Variants in ASH1L observed in about 807,000 individuals in gnomAD.
The protein encoded by ASH1L is histone-lysine N-methyltransferase ASH1L.
Under a neutral mutation model 269.0 loss-of-function variants are expected in ASH1L, and 23 were observed. That is an observed-to-expected ratio of 0.09 (90% CI 0.06 to 0.12). ASH1L has a LOEUF of 0.12. ASH1L is among the 10% of genes least tolerant of loss of function. The pLI, the probability that ASH1L is intolerant of heterozygous loss-of-function variation, is 1.00. For missense variants in ASH1L, 2,912 were observed against 3,567.8 expected (o/e 0.82, Z 4.68); for synonymous variants, 1,187 against 1,253.5 (o/e 0.95, Z 1.12).
intron 7 of ASH1L, among the ~76,000 whole-genome samples, chr1:155,393,797 C>A (rs1658139210): frequency 6.6e-6 from 1 of 152,080 alleles, no homozygotes; most frequent in African/African-American, 2.4e-5. Context: ...CGTGATCCAC[C>A]TGCCTAGGTC....
intron 1 of ASH1L, among the ~76,000 whole-genome samples, chr1:155,557,267 T>C (rs1426658736): frequency 6.6e-6 from 1 of 151,162 alleles, no homozygotes; most frequent in East Asian, 1.9e-4. Context: ...ATTTTATTTA[T>C]TTATTTTTTT....
chr1:155,387,731 T>C (rs1047601229), intron 7 of ASH1L, among the ~76,000 whole-genome samples: 1 of 152,174 alleles, frequency 6.6e-6, no homozygotes, highest in African/African-American at 2.4e-5. Flanking sequence ...CTTTGGGCAA[T>C]ATGGCCATTT....
At chr1:155,497,321 T>C (rs965697567) in intron 2 of ASH1L, among the ~76,000 whole-genome samples, 2 of 152,200 alleles carry the variant, frequency 1.3e-5, no homozygotes, top group Non-Finnish European at 1.5e-5. Flanking sequence ...TATATACAAC[T>C]GATTCTTGAA....
At chr1:155,500,110 C>T (rs1667409299) in intron 2 of ASH1L, among the ~76,000 whole-genome samples, 2 of 152,198 alleles carry the variant, frequency 1.3e-5, no homozygotes, top group African/African-American at 4.8e-5. Flanking sequence ...AGCCCAATGG[C>T]AGGGATTTGC....
chr1:155,408,104 A>G (rs1296756634), intron 6 of ASH1L, among the ~76,000 whole-genome samples: 1 of 152,202 alleles, frequency 6.6e-6, no homozygotes, highest in Non-Finnish European at 1.5e-5. Context: ...GCCACCAACC[A>G]TGAGTTACAC....
At chr1:155,530,600 G>A (rs1404795132) in intron 1 of ASH1L, among the ~76,000 whole-genome samples, 1 of 151,956 alleles carries the variant, frequency 6.6e-6, no homozygotes, top group African/African-American at 2.4e-5. Context: ...GCTGGGCATG[G>A]TGGCACGCTC....
At chr1:155,405,900 T>C (rs975570409) in intron 6 of ASH1L, among the ~76,000 whole-genome samples, 5 of 147,776 alleles carry the variant, frequency 3.4e-5, no homozygotes, top group African/African-American at 7.5e-5. Flanking sequence ...GATGACCAAA[T>C]ACTGTTAAGA....
intron 2 of ASH1L, among the ~76,000 whole-genome samples, chr1:155,515,914 A>G (rs74723317): frequency 2.9e-3 from 443 of 152,078 alleles, no homozygotes; most frequent in African/African-American, 0.01. Flanking sequence ...ATATATCAAT[A>G]TAACTCGGAG....
intron 7 of ASH1L, among the ~76,000 whole-genome samples, chr1:155,393,558 CTTT>C (rs1188916609): frequency 1.4e-5 from 2 of 142,228 alleles, no homozygotes; most frequent in African/African-American, 2.6e-5. Context: ...TATTTCTTTT[CTTT>C]TTTTTTTTTT....
At position 155,480,889 on chromosome 1, in the gene ASH1L, T is replaced by A; in HGVS notation, c.1981A>T (p.Ser661Cys). Residue 661 changes from serine (S) to cysteine (C), a missense_variant, in exon 3 of 28, where the codon AGC becomes TGC. Ser to Cys is a moderately radical substitution (Grantham distance 112, BLOSUM62 -1). This residue lies in a region of ASH1L where 715 missense variants were observed against 721.0 expected (regional missense o/e 0.99). Transcript: ENST00000392403. ...GKKPSLTSES[S>C]IHTITPSVVN... ...ACTGAAGGAGTAATAGTATGAATGC[T>A]GGATTCAGAAGTCAAACTTGGCTTT... 1 of 1,613,980 alleles carries A rather than the reference T, an allele frequency of 6.2e-7. No individual in the cohort carries two copies. The highest frequency in any genetic ancestry group is 1.1e-5 in the South Asian group (1 of 91,022).
Position 155,418,826 on chromosome 1 carries a change from T to C in ASH1L, c.5829-2903A>G, listed in dbSNP as rs559593981. Among the ~76,000 whole-genome samples, 37 of 152,122 alleles carry C rather than the reference T, an allele frequency of 2.4e-4. No individual in the cohort carries two copies. In the South Asian group the frequency reaches 7.5e-3, roughly 31 times the overall value. On this transcript the variant is annotated intron_variant, in intron 5 of 27. Coordinates refer to ENST00000392403, the MANE Select transcript of ASH1L (RefSeq NM_018489.3). ...GGCTCACGCCTGTAATCCCAGCACT[T>C]TGGGAGGCCGAGGTGGGTGGATCAC... is the stretch of plus-strand genomic sequence containing the variant.
intron 5 of ASH1L, among the ~76,000 whole-genome samples, chr1:155,418,594 A>G (rs1660404487): frequency 6.6e-6 from 1 of 152,212 alleles, no homozygotes; most frequent in Admixed American, 6.5e-5. Flanking sequence ...ATGATGTAAC[A>G]TTCACAAAAT....
chr1:155,416,491 T>A (rs774180528), intron 5 of ASH1L, among the ~76,000 whole-genome samples: 43 of 152,206 alleles, frequency 2.8e-4, no homozygotes, highest in Non-Finnish European at 5.4e-4. Flanking sequence ...CCCTGAGAAA[T>A]CTGAAAAAAA....
At chr1:155,408,389 C>A (rs565950399) in intron 6 of ASH1L, among the ~76,000 whole-genome samples, 385 of 152,166 alleles carry the variant, frequency 2.5e-3, no homozygotes, top group African/African-American at 9.0e-3. Flanking sequence ...GGCATCATAG[C>A]AGTAACAAAT....
chr1:155,494,085 T>C (rs115981058), intron 2 of ASH1L, among the ~76,000 whole-genome samples: 3,124 of 152,080 alleles, frequency 0.021, 103 homozygotes, highest in African/African-American at 0.072. Context: ...CATGGAGGAA[T>C]TGAAAAGGCC....
At chr1:155,384,132 G>A (rs1196411704) in intron 7 of ASH1L, among the ~76,000 whole-genome samples, 1 of 152,140 alleles carries the variant, frequency 6.6e-6, no homozygotes, top group Non-Finnish European at 1.5e-5. Flanking sequence ...ATATATCCAT[G>A]TTTTTGCTTA....
chr1:155,546,759 A>G (rs572644216), intron 1 of ASH1L, among the ~76,000 whole-genome samples: 1 of 151,926 alleles, frequency 6.6e-6, no homozygotes, highest in South Asian at 2.1e-4. Context: ...TCCGTCTCAA[A>G]AAAAAAAGCA....
At chr1:155,341,845 C>T (rs1652850000) in intron 25 of ASH1L, 91 bp downstream of exon 25, 2 of 1,355,342 alleles carry the variant, frequency 1.5e-6, no homozygotes, top group Non-Finnish European at 2.1e-6. Context: ...GATGAAGAAG[C>T]AGAGAACTAC....
At chr1:155,341,786 A>G in intron 25 of ASH1L, 150 bp downstream of exon 25, 1 of 791,684 alleles carries the variant, frequency 1.3e-6, no homozygotes, top group Non-Finnish European at 2.1e-6. Context: ...TATGCTGTTC[A>G]AATGTCCCAA....
Sources: gnomAD v4.1 joint callset for allele counts (sites outside exome capture counted in the v4.1 genomes callset) on GRCh38, gnomAD v4.1.1 for gene constraint, gnomAD v4.1.1 regional missense constraint, MANE v1.5 for transcripts, NCBI Gene and HGNC (gene_info 2026-07-23, HGNC 2026-07-21) for gene names.